RGL2: variants seen among roughly 807,000 people sequenced by gnomAD.
RGL2 encodes ral guanine nucleotide dissociation stimulator-like 2.
Under a neutral mutation model 84.6 loss-of-function variants are expected in RGL2, and 40 were observed. The observed-to-expected ratio is 0.47, with a 90% CI of 0.37 to 0.62. The LOEUF is 0.62. Among genes scored for constraint, RGL2 ranks in the 20% least tolerant of loss-of-function variants. The probability of loss-of-function intolerance (pLI) is 0.00; values close to 1 mark genes in which losing one functional copy is unlikely to be tolerated. For synonymous variants in RGL2, 369 were observed against 417.3 expected, an observed-to-expected ratio of 0.88 and a Z score of 1.41; for missense variants, 865 against 1,019.7, an observed-to-expected ratio of 0.85 and a Z score of 2.07.
chr6:33,296,694 C>A lies in RGL2; in HGVS notation c.323G>T (p.Arg108Leu). Residue 108 changes from arginine (R) to leucine (L), a missense_variant, in exon 4 of 18, where the codon CGG (arginine) becomes CTG (leucine). Physicochemically the swap from Arg to Leu is moderately radical, Grantham distance 102 (BLOSUM62 -2). Around this residue, in one of 5 missense-constraint regions of RGL2, gnomAD observed 455 missense variants for 507.8 expected, o/e 0.90. Coordinates refer to ENST00000497454, the MANE Select transcript of RGL2 (RefSeq NM_004761.5). This position sits in a 1 kb window ranked among gnomAD's most constrained non-coding sequence, Gnocchi z 5.0. Reference sequence around the variant, plus strand: ...GAAGCTCACATCAGTCCCTGATGTCCGGGTATCCAGTAGGTGTCTGACCAG... The same window carrying A: ...GAAGCTCACATCAGTCCCTGATGTCAGGGTATCCAGTAGGTGTCTGACCAG... ...EALVRHLLDT[R>L]TSGTDVSFMS... The A allele has an allele frequency of 6.2e-7, 1 of 1,613,900 alleles. No homozygotes were observed. The highest frequency in any genetic ancestry group is 8.5e-7 in the Non-Finnish European group (1 of 1,179,982).
chr6:33,292,166 C>T lies in RGL2; in HGVS notation c.2270G>A (p.Gly757Glu). 1 of 1,614,230 alleles carries T rather than the reference C, an allele frequency of 6.2e-7. No individual in the cohort carries two copies. The highest frequency in any genetic ancestry group is 8.5e-7 in the Non-Finnish European group (1 of 1,180,046). ...PSASGTPPSE[G>E]GGGSFPRIKA... ...GATCCTGGGAAAGGAGCCCCCTCCT[C>T]CCTCACTCGGAGGAGTTCCTGAGGC... is the stretch of plus-strand genomic sequence containing the variant. The change falls in exon 18 of 18, where the codon GGA becomes GAA. Residue 757 changes from glycine (G) to glutamate (E), a missense_variant. Physicochemically the swap from Gly to Glu is moderately conservative, Grantham distance 98. Coordinates refer to ENST00000497454, the MANE Select transcript of RGL2 (RefSeq NM_004761.5).
upstream of RGL2, chr6:33,301,409 A>G (rs954594191): frequency 3.8e-6 from 1 of 261,326 alleles, no homozygotes; most frequent in Non-Finnish European, 7.4e-6. Context: ...CCCCGTCTCT[A>G]CTAAAAATAC....
rs1330918110 is a variant in RGL2, at chr6:33,294,502, A to C, written c.1353+186T>G. On this transcript the variant is annotated intron_variant, in intron 11 of 17. Coordinates refer to ENST00000497454, the MANE Select transcript of RGL2 (RefSeq NM_004761.5). The surrounding 1 kb of genome is among the most constrained non-coding windows in gnomAD (Gnocchi z 5.0). Reference sequence around the variant, plus strand: ...TTCATTTAACCCTTATAACAGATCAATGTAGATGCTATTTCTAGTTTCCCA... The same window carrying C: ...TTCATTTAACCCTTATAACAGATCACTGTAGATGCTATTTCTAGTTTCCCA... Among the ~76,000 whole-genome samples the C allele has an allele frequency of 6.6e-6, 1 of 152,186 alleles. No homozygotes were observed. The highest frequency in any genetic ancestry group is 2.4e-5 in the African/African-American group (1 of 41,448).
At position 33,292,239 on chromosome 6, in the gene RGL2, G is replaced by A. The variant is rs775378178; in HGVS notation, c.2197C>T (p.Arg733Trp). The change falls in exon 18 of 18, where the codon CGG becomes TGG. Residue 733 changes from arginine to tryptophan, a missense_variant. Physicochemically the swap from Arg to Trp is moderately radical, Grantham distance 101. Transcript: ENST00000497454. ...GASHDFLLRQ[R>W]RRSSTATPGV... ...GGTGTAGCAGTAGAGGACCTTCGCC[G>A]CTGCCGCAGGAGGAAATCGTGTGAA... The A allele has an allele frequency of 7.4e-6, 12 of 1,614,076 alleles. No homozygotes were observed. Among genetic ancestry groups the A allele is most frequent in the Middle Eastern group, 1.6e-4 (1 of 6,084 alleles).
rs1767687662 is a variant in RGL2, at chr6:33,293,972, C to G, written c.1387-56G>C. The G allele has an allele frequency of 5.6e-6, 9 of 1,613,934 alleles. No homozygotes were observed. Among genetic ancestry groups the G allele is most frequent in the African/African-American group, 1.3e-5 (1 of 74,888 alleles). On this transcript the variant is annotated intron_variant, in intron 12 of 17. Transcript: ENST00000497454. The surrounding 1 kb of genome is among the most constrained non-coding windows in gnomAD (Gnocchi z 7.0). ...AAAACTCAGGGACCCCTGACTTTTCCCCCTCCCCTTCCTGGAACATGGATA... is the reference window on the plus strand; with the variant it reads ...AAAACTCAGGGACCCCTGACTTTTCGCCCTCCCCTTCCTGGAACATGGATA...
Position 33,293,023 on chromosome 6 carries a change from C to T in RGL2, c.2000G>A (p.Ser667Asn). ...ELGEDGSVYK[S>N]ILVTSQDKAP... ...ATCCCAAGGCTCCCTCACCAAAATG[C>T]TCTTATAGACACTGCCATCTTCCCC... Residue 667 changes from serine to asparagine, a missense_variant, in exon 16 of 18, where the codon AGC (serine) becomes AAC (asparagine). This residue lies in a region of RGL2 where 302 missense variants were observed against 327.9 expected (regional missense o/e 0.92). Transcript: ENST00000497454. This position sits in a 1 kb window ranked among gnomAD's most constrained non-coding sequence, Gnocchi z 7.0. The T allele has an allele frequency of 6.2e-7, 1 of 1,614,140 alleles. No homozygotes were observed. The highest frequency in any genetic ancestry group is 8.5e-7 in the Non-Finnish European group (1 of 1,180,030).
chr6:33,293,751 C>T lies in RGL2; in HGVS notation c.1508+44G>A. ...CTCAGGACATGACACCAATCCCCCACACCTGGCCAGAACCCTGGAGTCCCA... is the reference window on the plus strand; with the variant it reads ...CTCAGGACATGACACCAATCCCCCATACCTGGCCAGAACCCTGGAGTCCCA... On this transcript the variant is annotated intron_variant, in intron 13 of 17. Coordinates refer to ENST00000497454, the MANE Select transcript of RGL2 (RefSeq NM_004761.5). This position sits in a 1 kb window ranked among gnomAD's most constrained non-coding sequence, Gnocchi z 7.0. The T allele has an allele frequency of 6.2e-7, 1 of 1,613,370 alleles. No homozygotes were observed.
At position 33,298,650 on chromosome 6, in the gene RGL2, G is replaced by A; in HGVS notation, c.-40C>T. The A allele has an allele frequency of 2.2e-6, 3 of 1,390,008 alleles. No individual in the cohort carries two copies. Among genetic ancestry groups the A allele is most frequent in the Non-Finnish European group, 2.8e-6 (3 of 1,063,358 alleles). 86.1% of individuals were successfully genotyped at this position (1,390,008 alleles called of 1,614,324 possible). A position where few individuals can be genotyped will look rare whatever the true frequency, so the allele number is the denominator to read the frequency against. ...ATCAGCGGGGTCGGGCCATGGGGGC[G>A]CCTGGGGAGAGACGGGGTGGGGTGG... is the stretch of plus-strand genomic sequence containing the variant. On this transcript the variant is annotated splice_region_variant and 5_prime_UTR_variant, in exon 2 of 18. Transcript: ENST00000497454. The surrounding 1 kb of genome is among the most constrained non-coding windows in gnomAD (Gnocchi z 4.8).
rs1448450065 is a variant in RGL2, at chr6:33,293,207, A to C, written c.1816T>G (p.Ser606Ala). The change falls in exon 16 of 18, where the codon TCC (serine) becomes GCC (alanine). Residue 606 changes from serine (S) to alanine (A), a missense_variant. Physicochemically the swap from Ser to Ala is moderately conservative, Grantham distance 99. This residue lies in a region of RGL2 where 302 missense variants were observed against 327.9 expected (regional missense o/e 0.92). Transcript: ENST00000497454. The surrounding 1 kb of genome is among the most constrained non-coding windows in gnomAD (Gnocchi z 7.0). ...ADPSHLSPPA[S>A]SPRPSRGHRR... is the part of the protein sequence containing the mutation. ...TGACCTCGAGAAGGCCTAGGGGAGG[A>C]GGCTGGTGGGGAGAGGTGGCTGGGG... The C allele has an allele frequency of 6.4e-7, 1 of 1,573,586 alleles. No homozygotes were observed.
At position 33,297,394 on chromosome 6, in the gene RGL2, CA is replaced by C. The variant is rs1768086289; in HGVS notation, c.157-280del. ...CAGGAATTCTGATCCTGGAGACCCC[CA>C]AAGCCCCTTCTCCCCAGAGCTGAAC... On this transcript the variant is annotated intron_variant, in intron 2 of 17. Transcript: ENST00000497454. The surrounding 1 kb of genome is among the most constrained non-coding windows in gnomAD (Gnocchi z 4.0). 1 of 419,666 alleles carries C rather than the reference CA, an allele frequency of 2.4e-6. No individual in the cohort carries two copies. The highest frequency in any genetic ancestry group is 4.3e-6 in the Non-Finnish European group (1 of 235,272). The allele number at this position is 419,666 out of a possible 1,614,324, so 26.0% of individuals were successfully genotyped here. A position where few individuals can be genotyped will look rare whatever the true frequency, so the allele number is the denominator to read the frequency against.
chr6:33,299,483 G>A (rs1768359843), upstream of RGL2, among the ~76,000 whole-genome samples: 1 of 152,080 alleles, frequency 6.6e-6, no homozygotes, highest in Non-Finnish European at 1.5e-5. This position sits in a 1 kb window ranked among gnomAD's most constrained non-coding sequence, Gnocchi z 5.0. Context: ...GCTCTCAGAG[G>A]CTTCCGGCGC....
chr6:33,300,327 G>A (rs1768457149), upstream of RGL2: 1 of 153,680 alleles, frequency 6.5e-6, no homozygotes, highest in Admixed American at 6.5e-5. Flanking sequence ...ATGTCAGGGG[G>A]TTTGTGAGAT....
chr6:33,297,149 C>T lies in RGL2; in HGVS notation c.157-34G>A. On this transcript the variant is annotated intron_variant, in intron 2 of 17. Coordinates refer to ENST00000497454, the MANE Select transcript of RGL2 (RefSeq NM_004761.5). This position sits in a 1 kb window ranked among gnomAD's most constrained non-coding sequence, Gnocchi z 4.0. ...GCAAGGAAGGGGAAGTCAGACAGTT[C>T]CACACCACCCCCCATTGCCCTCAGC... is the stretch of plus-strand genomic sequence containing the variant. 6.7e-7 allele frequency: 1 copy of T among 1,484,714 alleles called. No individual in the cohort carries two copies. The highest frequency in any genetic ancestry group is 1.3e-5 in the South Asian group (1 of 74,978). The allele number at this position is 1,484,714 out of a possible 1,614,324, so 92.0% of individuals were successfully genotyped here. A position where few individuals can be genotyped will look rare whatever the true frequency, so the allele number is the denominator to read the frequency against.
At position 33,293,566 on chromosome 6, in the gene RGL2, G is replaced by A; in HGVS notation, c.1604+38C>T. On this transcript the variant is annotated intron_variant, in intron 14 of 17. Coordinates refer to ENST00000497454, the MANE Select transcript of RGL2 (RefSeq NM_004761.5). This position sits in a 1 kb window ranked among gnomAD's most constrained non-coding sequence, Gnocchi z 7.0. ...TTGGGAGGATCAGAGAAAAGTGGAA[G>A]TCCCAAGAAACCACCCCCCAGCCAG... 6.2e-7 allele frequency: 1 copy of A among 1,612,498 alleles called. No individual in the cohort carries two copies. Among genetic ancestry groups the A allele is most frequent in the Non-Finnish European group, 8.5e-7 (1 of 1,179,020 alleles).
Position 33,293,638 on chromosome 6 carries a change from GCAC to G in RGL2, c.1567_1569del (p.Val523del). On this transcript the variant is annotated inframe_deletion, in exon 14 of 18. Transcript: ENST00000497454. The surrounding 1 kb of genome is among the most constrained non-coding windows in gnomAD (Gnocchi z 7.0). ...TGCGAGATGACCAATGTTGGCCGAA[GCAC>G]CCGTGGGGCAGGAGGGTCACTGGAA... The G allele has an allele frequency of 6.2e-7, 1 of 1,614,198 alleles. No homozygotes were observed. The highest frequency in any genetic ancestry group is 8.5e-7 in the Non-Finnish European group (1 of 1,180,036).
upstream of RGL2, chr6:33,301,400 C>T (rs1768571047): frequency 4.3e-6 from 1 of 234,332 alleles, no homozygotes; most frequent in African/African-American, 2.3e-5. Context: ...ATGGTGAAAC[C>T]CCGTCTCTAC....
Position 33,291,914 on chromosome 6 carries a change from T to C in RGL2, c.*188A>G. On this transcript the variant is annotated 3_prime_UTR_variant, in exon 18 of 18. Transcript: ENST00000497454. ...TATACACAGGTATCCAACTTGGTTA[T>C]AAGACACCAGTTCCCACAGGGCTGG... The C allele has an allele frequency of 1.6e-6, 1 of 641,750 alleles. No homozygotes were observed. The allele number at this position is 641,750 out of a possible 1,614,324, so 39.8% of individuals were successfully genotyped here.
At position 33,293,177 on chromosome 6, in the gene RGL2, G is replaced by A. The variant is rs1190578584; in HGVS notation, c.1846C>T (p.Arg616Cys). ...SSPRPSRGHR[R>C]SASCGSPLSG... The stretch of plus-strand genomic sequence containing the variant: ...AGCGGGGAGCCACAGGAGGCTGAGC[G>A]GCGGTGACCTCGAGAAGGCCTAGGG... The change falls in exon 16 of 18, where the codon CGC becomes TGC. Residue 616 changes from arginine (R) to cysteine (C), a missense_variant. Arg to Cys is a radical substitution (Grantham distance 180). Transcript: ENST00000497454. The surrounding 1 kb of genome is among the most constrained non-coding windows in gnomAD (Gnocchi z 7.0). 7 of 1,602,012 alleles carry A rather than the reference G, an allele frequency of 4.4e-6. No homozygotes were observed. The highest frequency in any genetic ancestry group is 2.7e-5 in the African/African-American group (2 of 74,554).
In RGL2 at chr6:33,293,817, G is replaced by A. The variant is rs759651756; in HGVS notation, c.1486C>T (p.Arg496Trp). Residue 496 changes from arginine to tryptophan, a missense_variant, in exon 13 of 18, where the codon CGG becomes TGG. Around this residue, in one of 5 missense-constraint regions of RGL2, gnomAD observed 75 missense variants for 130.8 expected, o/e 0.57. Coordinates refer to ENST00000497454, the MANE Select transcript of RGL2 (RefSeq NM_004761.5). The surrounding 1 kb of genome is among the most constrained non-coding windows in gnomAD (Gnocchi z 7.0). ...HDIQRWLQGL[R>W]PLTEAQSHRV... The stretch of plus-strand genomic sequence containing the variant: ...CACCTCTGAGCCTCTGTCAGTGGCC[G>A]GAGCCCCTGTAGCCACCTCTGGATA... 27 of 1,614,008 alleles carry A rather than the reference G, an allele frequency of 1.7e-5. No homozygotes were observed. The highest frequency in any genetic ancestry group is 1.6e-4 in the South Asian group (15 of 91,072).
Sources: allele counts gnomAD v4.1 joint callset (sites outside exome capture counted in the v4.1 genomes callset), GRCh38; gene constraint gnomAD v4.1.1; regional missense constraint gnomAD v4.1.1; non-coding constraint Gnocchi (gnomAD v3.1); transcripts MANE v1.5; gene names NCBI Gene and HGNC (gene_info 2026-07-23, HGNC 2026-07-21).